Variants in ADCY2 observed in about 807,000 individuals in gnomAD.
ADCY2 encodes adenylate cyclase type 2.
Under a neutral mutation model 125.2 loss-of-function variants are expected in ADCY2, and 31 were observed. The ratio of observed to expected loss-of-function variants is 0.25; its 90% CI spans 0.19 to 0.33. The LOEUF is 0.33. Ranked by LOEUF, ADCY2 falls within the 10% of genes least tolerant of loss-of-function variation. The pLI, the probability that ADCY2 is intolerant of heterozygous loss-of-function variation, is 1.00. For synonymous variants in ADCY2, 512 were observed against 548.4 expected (o/e 0.93, Z 0.93); for missense variants, 904 against 1,418.2 (o/e 0.64, Z 5.82).
intron 3 of ADCY2, among the ~76,000 whole-genome samples, chr5:7,595,000 T>C (rs1579611417): frequency 6.6e-6 from 1 of 152,232 alleles, no homozygotes; most frequent in Non-Finnish European, 1.5e-5. Flanking sequence ...ATTTGACATA[T>C]TGGTATATCA....
Position 7,806,824 on chromosome 5 carries a change from A to C in ADCY2, c.2883+2132A>C, listed in dbSNP as rs573721014. On this transcript the variant is annotated intron_variant, in intron 22 of 24. Transcript: ENST00000338316. ...CTGTCCACAGCAGTATCTTTATTTA[A>C]AATTTCATTATTTTAGTTCATCTTG... 5.3e-5 allele frequency among the ~76,000 whole-genome samples: 8 copies of C among 152,320 alleles called. No homozygotes were observed. In the East Asian group the frequency reaches 1.5e-3, roughly 29 times the overall value.
chr5:7,678,741 A>G (rs1416811159), intron 4 of ADCY2, among the ~76,000 whole-genome samples: 1 of 152,220 alleles, frequency 6.6e-6, no homozygotes, highest in African/African-American at 2.4e-5. Context: ...AGACAGCAGT[A>G]ATATACCTCA....
intron 4 of ADCY2, among the ~76,000 whole-genome samples, chr5:7,628,814 T>C (rs1365742492): frequency 6.7e-6 from 1 of 150,096 alleles, no homozygotes; most frequent in Non-Finnish European, 1.5e-5. Context: ...GAAGAGATTA[T>C]CTTGGTTTAA....
chr5:7,540,045 T>C (rs1344817953), intron 3 of ADCY2, among the ~76,000 whole-genome samples: 2 of 152,220 alleles, frequency 1.3e-5, no homozygotes, highest in Non-Finnish European at 2.9e-5. Context: ...TGGATGGAGC[T>C]GGAGGCCATT....
At chr5:7,543,576 G>T (rs1383191056) in intron 3 of ADCY2, among the ~76,000 whole-genome samples, 1 of 152,096 alleles carries the variant, frequency 6.6e-6, no homozygotes, top group Admixed American at 6.5e-5. Context: ...ACCGATGAAG[G>T]TTTTATTAGG....
intron 4 of ADCY2, among the ~76,000 whole-genome samples, chr5:7,638,993 G>A (rs950424938): frequency 1.3e-5 from 2 of 152,124 alleles, no homozygotes; most frequent in African/African-American, 4.8e-5. Flanking sequence ...TCCACTTGCT[G>A]CCATCTGTGT....
At chr5:7,617,389 A>C (rs1737802271) in intron 3 of ADCY2, among the ~76,000 whole-genome samples, 1 of 152,198 alleles carries the variant, frequency 6.6e-6, no homozygotes, top group African/African-American at 2.4e-5. Flanking sequence ...CCTAACTACA[A>C]CTTGGCCTTG....
intron 23 of ADCY2, among the ~76,000 whole-genome samples, chr5:7,819,950 G>A (rs1023852309): frequency 7.2e-5 from 11 of 152,180 alleles, no homozygotes; most frequent in Non-Finnish European, 1.3e-4. Flanking sequence ...GATGAGCAGT[G>A]GCCAGAAGAA....
chr5:7,783,748 G>A (rs1743994698), intron 18 of ADCY2, among the ~76,000 whole-genome samples: 1 of 152,166 alleles, frequency 6.6e-6, no homozygotes, highest in Non-Finnish European at 1.5e-5. Context: ...GTGAGGATTG[G>A]GGGAGCCCAC....
intron 2 of ADCY2, among the ~76,000 whole-genome samples, chr5:7,501,815 A>G (rs1170661749): frequency 1.3e-5 from 2 of 152,026 alleles, no homozygotes; most frequent in East Asian, 3.9e-4. Context: ...GGGAGCCTGC[A>G]GGATCAGTGG....
At chr5:7,772,747 T>TG (rs1743592504) in intron 17 of ADCY2, among the ~76,000 whole-genome samples, 185 bp from the exon 18 acceptor site, 1 of 151,892 alleles carries the variant, frequency 6.6e-6, no homozygotes, top group Non-Finnish European at 1.5e-5. Context: ...GGATGATTTT[T>TG]TTTTTTCTGA....
intron 2 of ADCY2, among the ~76,000 whole-genome samples, chr5:7,465,555 A>G (rs1742083766): frequency 6.6e-6 from 1 of 152,186 alleles, no homozygotes; most frequent in Non-Finnish European, 1.5e-5. Flanking sequence ...GAGCAGGTAC[A>G]AGGTGTATTT....
Position 7,766,673 on chromosome 5 carries a change from C to A in ADCY2, c.2095-14C>A. The A allele has an allele frequency of 1.2e-6, 2 of 1,609,044 alleles. No individual in the cohort carries two copies. The highest frequency in any genetic ancestry group is 1.7e-6 in the Non-Finnish European group (2 of 1,178,642). On this transcript the variant is annotated splice_polypyrimidine_tract_variant and intron_variant, in intron 16 of 24. Coordinates refer to ENST00000338316, the MANE Select transcript of ADCY2 (RefSeq NM_020546.3). Reference sequence around the variant, plus strand: ...ATTTACATTAATTCATTGAAAAAAACCTTCTCTTTGCAGTTTTTCCTGAGT... The same window carrying A: ...ATTTACATTAATTCATTGAAAAAAAACTTCTCTTTGCAGTTTTTCCTGAGT...
intron 3 of ADCY2, among the ~76,000 whole-genome samples, chr5:7,591,866 A>C (rs1159421525): frequency 6.6e-6 from 1 of 152,170 alleles, no homozygotes; most frequent in Non-Finnish European, 1.5e-5. Context: ...TGCTGGTGAG[A>C]CTGGGTTTCT....
intron 3 of ADCY2, among the ~76,000 whole-genome samples, chr5:7,581,225 TAAC>T (rs553109137): frequency 3.9e-4 from 59 of 152,332 alleles, no homozygotes; most frequent in African/African-American, 1.4e-3. Flanking sequence ...ATGGATATGA[TAAC>T]ATCATATTGA....
At chr5:7,652,972 A>C (rs2126683760) in intron 4 of ADCY2, among the ~76,000 whole-genome samples, 1 of 152,364 alleles carries the variant, frequency 6.6e-6, no homozygotes, top group Admixed American at 6.5e-5. Flanking sequence ...AAGAGGAAGA[A>C]GCAAGTTTTA....
Position 7,802,370 on chromosome 5 carries a change from T to C in ADCY2, c.2775+6T>C. ...TCATCGCTGACTTTGATGATGTAGGTACTGAGAGTTGCCCTCGAAGGGCAG... is the reference window on the plus strand; with the variant it reads ...TCATCGCTGACTTTGATGATGTAGGCACTGAGAGTTGCCCTCGAAGGGCAG... On this transcript the variant is annotated splice_donor_region_variant and intron_variant, in intron 21 of 24. Transcript: ENST00000338316. The surrounding 1 kb of genome is among the most constrained non-coding windows in gnomAD (Gnocchi z 4.6). 6.2e-7 allele frequency: 1 copy of C among 1,613,734 alleles called. No individual in the cohort carries two copies. The highest frequency in any genetic ancestry group is 8.5e-7 in the Non-Finnish European group (1 of 1,179,768).
intron 2 of ADCY2, among the ~76,000 whole-genome samples, chr5:7,464,069 A>C (rs923724131): frequency 1.3e-5 from 2 of 152,202 alleles, no homozygotes; most frequent in African/African-American, 4.8e-5. Flanking sequence ...TTCATGCTAC[A>C]AACCGTACTC....
intron 12 of ADCY2, among the ~76,000 whole-genome samples, chr5:7,718,130 G>A (rs1240608103): frequency 2.0e-5 from 3 of 150,038 alleles, no homozygotes; most frequent in Non-Finnish European, 3.0e-5. Context: ...TTTGCAAAAT[G>A]CATGCCTGTT....
Sources: allele counts gnomAD v4.1 joint callset (sites outside exome capture counted in the v4.1 genomes callset), GRCh38; gene constraint gnomAD v4.1.1; non-coding constraint Gnocchi (gnomAD v3.1); transcripts MANE v1.5; gene names NCBI Gene and HGNC (gene_info 2026-07-23, HGNC 2026-07-21).